The following PTPRJ variants were observed in gnomAD, a reference collection of about 807,000 sequenced individuals.
PTPRJ encodes the protein receptor-type tyrosine-protein phosphatase eta.
Under a neutral mutation model 141.3 loss-of-function variants are expected in PTPRJ, and 129 were observed. The ratio of observed to expected loss-of-function variants is 0.91; its 90% CI spans 0.79 to 1.06. The LOEUF (loss-of-function observed/expected upper bound fraction) is 1.06, where lower values mean the gene tolerates loss of function less well. PTPRJ is among the 50% of genes least tolerant of loss of function. The probability of loss-of-function intolerance (pLI) is 0.00; values close to 1 mark genes in which losing one functional copy is unlikely to be tolerated. For missense variants in PTPRJ, 1,601 were observed against 1,679.7 expected (o/e 0.95, Z 0.82); for synonymous variants, 610 against 640.5 (o/e 0.95, Z 0.72).
chr11:48,096,656 C>G (rs1220193723), intron 1 of PTPRJ: 1 of 154,478 alleles, frequency 6.5e-6, no homozygotes, highest in Non-Finnish European at 1.5e-5. Context: ...TGAGGCCCTT[C>G]CTGGGGGCTT....
Position 48,137,254 on chromosome 11 carries a change from G to A in PTPRJ, c.2125G>A (p.Glu709Lys). Residue 709 changes from glutamate to lysine, a missense_variant, in exon 10 of 25, where the codon GAA becomes AAA. Coordinates refer to ENST00000418331, the MANE Select transcript of PTPRJ (RefSeq NM_002843.4). The part of the protein sequence containing the change: ...AQVGDGIKSL[E>K]PGRKSFCTDP... ...AGTAGGGGATGGGATCAAGTCACTG[G>A]AACCTGGCCGGAAGTCATTCTGTAC... is the stretch of plus-strand genomic sequence containing the variant. The A allele has an allele frequency of 6.2e-7, 1 of 1,614,110 alleles. No homozygotes were observed. Among genetic ancestry groups the A allele is most frequent in the East Asian group, 2.2e-5 (1 of 44,884 alleles).
intron 1 of PTPRJ, among the ~76,000 whole-genome samples, chr11:48,049,380 T>C (rs904643698): frequency 6.6e-6 from 1 of 151,660 alleles, no homozygotes; most frequent in Non-Finnish European, 1.5e-5. Flanking sequence ...GTACAACATT[T>C]AGAATTGGTA....
intron 1 of PTPRJ, among the ~76,000 whole-genome samples, chr11:48,033,349 C>T (rs1274338081): frequency 1.3e-5 from 2 of 152,010 alleles, no homozygotes; most frequent in East Asian, 3.9e-4. Flanking sequence ...GAGCAGTCTG[C>T]AGGAACCAGG....
chr11:48,077,508 C>T (rs116395534), intron 1 of PTPRJ, among the ~76,000 whole-genome samples: 251 of 152,318 alleles, frequency 1.6e-3, no homozygotes, highest in African/African-American at 5.8e-3. Flanking sequence ...TTTTGATGGT[C>T]GTCCCAGGAC....
At chr11:48,086,532 G>A (rs536008439) in intron 1 of PTPRJ, among the ~76,000 whole-genome samples, 6 of 152,334 alleles carry the variant, frequency 3.9e-5, no homozygotes, top group Middle Eastern at 3.4e-3. Context: ...CTGAGGTAGC[G>A]ACAGGTGAAG....
At chr11:48,141,490 G>A (rs1423737215) in intron 11 of PTPRJ, among the ~76,000 whole-genome samples, 1 of 152,122 alleles carries the variant, frequency 6.6e-6, no homozygotes, top group Non-Finnish European at 1.5e-5. Flanking sequence ...ACAGAGAAGT[G>A]CTGTGCCCAG....
intron 1 of PTPRJ, among the ~76,000 whole-genome samples, chr11:48,088,947 A>G (rs898860975): frequency 6.6e-6 from 1 of 151,944 alleles, no homozygotes; most frequent in African/African-American, 2.4e-5. Context: ...TGTTTTAGTG[A>G]CTCTGTGAAG....
intron 1 of PTPRJ, among the ~76,000 whole-genome samples, chr11:47,989,772 T>G (rs192159623): frequency 6.6e-6 from 1 of 152,292 alleles, no homozygotes; most frequent in East Asian, 1.9e-4. Flanking sequence ...CACTTGTTCC[T>G]TAGGAACTCA....
rs764203582 is a variant in PTPRJ, at chr11:48,110,079, G to GAGTA, written c.115+4_115+7dup. 2 of 1,613,610 alleles carry GAGTA rather than the reference G, an allele frequency of 1.2e-6. No individual in the cohort carries two copies. Among genetic ancestry groups the GAGTA allele is most frequent in the Non-Finnish European group, 1.7e-6 (2 of 1,179,542 alleles). ...TCAGATCCTGTGCGCAGGTGGCAGT[G>GAGTA]AGTACCCTTTTCCTCTCTATTCTTG... On this transcript the variant is annotated splice_donor_region_variant and intron_variant, in intron 2 of 24. Transcript: ENST00000418331.
chr11:47,995,540 A>G (rs1198247347), intron 1 of PTPRJ, among the ~76,000 whole-genome samples: 1 of 152,210 alleles, frequency 6.6e-6, no homozygotes, highest in Non-Finnish European at 1.5e-5. Context: ...GAGTGAAATG[A>G]TTCCCAGAGC....
In PTPRJ at chr11:48,150,088, TTTC is replaced by T. The variant is rs759126003; in HGVS notation, c.3051-5_3051-3del. On this transcript the variant is annotated splice_polypyrimidine_tract_variant and splice_region_variant and intron_variant, in intron 17 of 24. Coordinates refer to ENST00000418331, the MANE Select transcript of PTPRJ (RefSeq NM_002843.4). ...TGTAAAAAATCCTGATAAGTTTTGT[TTTC>T]TTAGATCTAAGTTAATCAGAGTGGA... The T allele has an allele frequency of 6.2e-7, 1 of 1,611,146 alleles. No individual in the cohort carries two copies. The highest frequency in any genetic ancestry group is 1.1e-5 in the South Asian group (1 of 90,598).
intron 1 of PTPRJ, among the ~76,000 whole-genome samples, chr11:47,992,783 A>G (rs539182194): frequency 6.6e-6 from 1 of 152,328 alleles, no homozygotes. Context: ...TTTGCTGGTA[A>G]GTATTGTAAA....
chr11:48,072,387 A>G (rs1301944347), intron 1 of PTPRJ, among the ~76,000 whole-genome samples: 1 of 152,120 alleles, frequency 6.6e-6, no homozygotes, highest in Non-Finnish European at 1.5e-5. Flanking sequence ...AACCCCACCC[A>G]TGAGGGTGGA....
chr11:48,018,665 C>T (rs1458765487), intron 1 of PTPRJ, among the ~76,000 whole-genome samples: 5 of 152,138 alleles, frequency 3.3e-5, no homozygotes, highest in Admixed American at 2.0e-4. Context: ...TCAGTGTCAG[C>T]GAGGGGGAGG....
At chr11:48,097,213 A>G (rs1856029377) in intron 1 of PTPRJ, among the ~76,000 whole-genome samples, 1 of 152,144 alleles carries the variant, frequency 6.6e-6, no homozygotes. Flanking sequence ...TCGTCCTCAT[A>G]GAAGGATAAG....
At chr11:48,059,174 G>A (rs149956710) in intron 1 of PTPRJ, among the ~76,000 whole-genome samples, 1 of 135,600 alleles carries the variant, frequency 7.4e-6, no homozygotes, top group Non-Finnish European at 1.5e-5. Context: ...CCAGGCTGTA[G>A]AGCAATGGCG....
In PTPRJ at chr11:47,981,015, G is replaced by T. The variant is rs1435923068; in HGVS notation, c.96+7G>T. On this transcript the variant is annotated splice_region_variant and intron_variant, in intron 1 of 24. Coordinates refer to ENST00000418331, the MANE Select transcript of PTPRJ (RefSeq NM_002843.4). ...GCTGCTGCGCCTGGGCCAGGTAAGC[G>T]CCGGGTGGGCTCGGGCGGGGGGCAG... 8.3e-7 allele frequency: 1 copy of T among 1,207,624 alleles called. No homozygotes were observed. 74.8% of individuals were successfully genotyped at this position (1,207,624 alleles called of 1,614,324 possible).
At chr11:48,040,931 G>A (rs548034538) in intron 1 of PTPRJ, among the ~76,000 whole-genome samples, 6 of 152,112 alleles carry the variant, frequency 3.9e-5, no homozygotes, top group African/African-American at 1.4e-4. Flanking sequence ...CACTACAGCC[G>A]TGGAGAGCTC....
At chr11:48,009,625 C>T (rs750846332) in intron 1 of PTPRJ, among the ~76,000 whole-genome samples, 3 of 152,024 alleles carry the variant, frequency 2.0e-5, no homozygotes, top group East Asian at 1.9e-4. Context: ...AAGAAACAAA[C>T]GTTAGACTTG....
Sources: gnomAD v4.1 joint callset for allele counts (sites outside exome capture counted in the v4.1 genomes callset) on GRCh38, gnomAD v4.1.1 for gene constraint, MANE v1.5 for transcripts, NCBI Gene and HGNC (gene_info 2026-07-23, HGNC 2026-07-21) for gene names.